The following AREL1 variants were observed in gnomAD, a reference collection of about 807,000 sequenced individuals.
The protein encoded by AREL1 is apoptosis-resistant E3 ubiquitin protein ligase 1.
AREL1 carries 62 observed loss-of-function variants against 99.0 expected under a neutral mutation model. That is an observed-to-expected ratio of 0.63 (90% CI 0.51 to 0.77). The LOEUF (loss-of-function observed/expected upper bound fraction) is 0.77. Ranked by LOEUF, AREL1 falls within the 30% of genes least tolerant of loss-of-function variation. The pLI is 0.00. For synonymous variants in AREL1, 380 were observed against 376.5 expected (o/e 1.01, Z -0.11); for missense variants, 879 against 1,027.6 (o/e 0.86, Z 1.98).
intron 1 of AREL1, among the ~76,000 whole-genome samples, chr14:74,700,821 A>G (rs1331134453): frequency 1.3e-5 from 2 of 152,206 alleles, no homozygotes; most frequent in African/African-American, 4.8e-5. Flanking sequence ...TTAAAGGAAT[A>G]TGACTTCATT....
In AREL1 at chr14:74,670,821, C is replaced by T. The variant is rs766296374; in HGVS notation, c.1549G>A (p.Ala517Thr). The T allele has an allele frequency of 1.6e-5, 26 of 1,614,120 alleles. No individual in the cohort carries two copies. The South Asian group carries it at 2.6e-4, about 16-fold the overall frequency. Residue 517 changes from alanine (A) to threonine (T), a missense_variant, in exon 13 of 20, where the codon GCA (alanine) becomes ACA (threonine). Ala to Thr is a moderately conservative substitution (Grantham distance 58). Coordinates refer to ENST00000356357, the MANE Select transcript of AREL1 (RefSeq NM_001039479.2). ...AGCTGATTGGTGGTATCAAATAGTGCTTTGCAGATTAGCTCAAACCATTCC... is the reference window on the plus strand; with the variant it reads ...AGCTGATTGGTGGTATCAAATAGTGTTTTGCAGATTAGCTCAAACCATTCC... ...RREWFELICK[A>T]LFDTTNQLFT...
chr14:74,665,270 CTTTTTTT>C (rs546774095), intron 17 of AREL1, among the ~76,000 whole-genome samples: 7 of 136,390 alleles, frequency 5.1e-5, no homozygotes, highest in Non-Finnish European at 8.0e-5. Flanking sequence ...TCTTTCTTTT[CTTTTTTT>C]TTTTTTTTTT....
chr14:74,693,627 G>A (rs1313802053), intron 1 of AREL1, among the ~76,000 whole-genome samples: 1 of 152,154 alleles, frequency 6.6e-6, no homozygotes, highest in African/African-American at 2.4e-5. Context: ...TTTTACAGAT[G>A]AGGAAACTGG....
At chr14:74,690,356 T>C (rs1448883060) in intron 2 of AREL1, among the ~76,000 whole-genome samples, 1 of 152,150 alleles carries the variant, frequency 6.6e-6, no homozygotes, top group African/African-American at 2.4e-5. Context: ...TGTCTGTCCT[T>C]TTCTTTGTCC....
At chr14:74,711,277 C>T (rs374862176) in intron 1 of AREL1, among the ~76,000 whole-genome samples, 2 of 148,820 alleles carry the variant, frequency 1.3e-5, no homozygotes, top group African/African-American at 2.5e-5. Flanking sequence ...CAGTGGCTCA[C>T]GTCTGTAATC....
chr14:74,689,592 CTTTTTTTTTTTT>C (rs1057362002), intron 2 of AREL1, among the ~76,000 whole-genome samples: 2 of 98,524 alleles, frequency 2.0e-5, no homozygotes, highest in East Asian at 2.8e-4. Context: ...TAGCACTTTT[CTTTTTTTTTTTT>C]TTTTTTTTTT....
chr14:74,665,600 C>T (rs1201773912), intron 17 of AREL1, among the ~76,000 whole-genome samples: 1 of 152,130 alleles, frequency 6.6e-6, no homozygotes, highest in Admixed American at 6.5e-5. Context: ...TCTTAGGATG[C>T]ATTCTTTTGT....
chr14:74,705,147 C>A (rs1490452192), intron 1 of AREL1, among the ~76,000 whole-genome samples: 1 of 151,800 alleles, frequency 6.6e-6, no homozygotes, highest in Non-Finnish European at 1.5e-5. Context: ...TCAAGCGATT[C>A]TCCTGCCTCG....
chr14:74,702,365 C>A lies in AREL1; in HGVS notation c.-333-10037G>T, dbSNP rs113125830. ...TCAGTTCTTGACTTCTGTGCACCCA[C>A]AGGCTCAACATCACGTGTAAGCTGC... On this transcript the variant is annotated intron_variant, in intron 1 of 19. Coordinates refer to ENST00000356357, the MANE Select transcript of AREL1 (RefSeq NM_001039479.2). Among the ~76,000 whole-genome samples the A allele has an allele frequency of 4.6e-3, 707 of 152,364 alleles. 4 individuals are homozygous for A. The highest frequency in any genetic ancestry group is 0.015 in the African/African-American group (629 of 41,586).
intron 1 of AREL1, among the ~76,000 whole-genome samples, chr14:74,703,875 T>C (rs1422287022): frequency 6.6e-6 from 1 of 152,186 alleles, no homozygotes; most frequent in African/African-American, 2.4e-5. Context: ...TGCTGGGTCA[T>C]ATGGTAAGTA....
chr14:74,675,933 A>G lies in AREL1; in HGVS notation c.846T>C (p.Asn282=). 6.3e-7 allele frequency: 1 copy of G among 1,594,956 alleles called. No homozygotes were observed. Among genetic ancestry groups the G allele is most frequent in the East Asian group, 2.2e-5 (1 of 44,682 alleles). ...DIIVLSEDEK[N]IVERNVSTSG... is the part of the protein sequence containing the mutation. ...AAGTGGACACATTGCGTTCGACGATATTCTTCTCATCCTCTGAAGTATAAT... is the reference window on the plus strand; with the variant it reads ...AAGTGGACACATTGCGTTCGACGATGTTCTTCTCATCCTCTGAAGTATAAT... Residue 282 remains asparagine, a synonymous_variant, in exon 8 of 20, where the codon AAT becomes AAC. Transcript: ENST00000356357.
At chr14:74,692,913 T>C (rs1336997465) in intron 1 of AREL1, among the ~76,000 whole-genome samples, 1 of 152,170 alleles carries the variant, frequency 6.6e-6, no homozygotes, top group Non-Finnish European at 1.5e-5. Flanking sequence ...TTTGCCATGT[T>C]GCTCAGGCTA....
At chr14:74,694,172 C>G (rs1165312810) in intron 1 of AREL1, among the ~76,000 whole-genome samples, 2 of 141,316 alleles carry the variant, frequency 1.4e-5, no homozygotes, top group African/African-American at 5.8e-5. Context: ...CAGACCCAGT[C>G]TCAAAATAAA....
chr14:74,700,779 C>CAAAAA, intron 1 of AREL1, among the ~76,000 whole-genome samples: 1 of 151,862 alleles, frequency 6.6e-6, no homozygotes, highest in Non-Finnish European at 1.5e-5. Flanking sequence ...GAGTCCCTCT[C>CAAAAA]AAAACAAAAC....
chr14:74,679,203 T>C (rs2089570409), intron 5 of AREL1, among the ~76,000 whole-genome samples: 1 of 152,138 alleles, frequency 6.6e-6, no homozygotes, highest in Non-Finnish European at 1.5e-5. Flanking sequence ...AATAACTCTG[T>C]TAAGGGAATA....
intron 5 of AREL1, among the ~76,000 whole-genome samples, chr14:74,678,720 A>G (rs2139900357): frequency 6.8e-6 from 1 of 147,252 alleles, no homozygotes; most frequent in East Asian, 2.0e-4. Flanking sequence ...AAAAAAGAGG[A>G]CCTTGACCCA....
intron 1 of AREL1, among the ~76,000 whole-genome samples, chr14:74,699,299 C>G (rs1203114096): frequency 6.6e-6 from 1 of 151,768 alleles, no homozygotes; most frequent in Non-Finnish European, 1.5e-5. Flanking sequence ...ATGTGCACTT[C>G]AAAGTTAACT....
At position 74,707,688 on chromosome 14, in the gene AREL1, G is replaced by A. The variant is rs921107822; in HGVS notation, c.-334+5245C>T. ...GGGCGCCTGTAGTCCCAGCTACTTG[G>A]GAGGCTGAGGCAGGAGAAAGGTGTG... On this transcript the variant is annotated intron_variant, in intron 1 of 19. Coordinates refer to ENST00000356357, the MANE Select transcript of AREL1 (RefSeq NM_001039479.2). Among the ~76,000 whole-genome samples, 6 of 151,824 alleles carry A rather than the reference G, an allele frequency of 4.0e-5. No homozygotes were observed. The East Asian group carries it at 1.2e-3, about 29-fold the overall frequency.
rs748223905 is a variant in AREL1 at position 74,675,765 on chromosome 14, G to T, written c.1014C>A (p.Pro338=). The T allele has an allele frequency of 6.2e-7, 1 of 1,614,072 alleles. No individual in the cohort carries two copies. Among genetic ancestry groups the T allele is most frequent in the Admixed American group, 1.7e-5 (1 of 60,000 alleles). Residue 338 remains proline, a synonymous_variant, in exon 8 of 20, where the codon CCC becomes CCA. Transcript: ENST00000356357. The part of the protein sequence containing the change: ...TAVDEEDEDS[P]SECHTPEKVK... ...CCTTCTCAGGGGTGTGGCACTCAGA[G>T]GGCGAGTCTTCATCTTCCTCGTCAA...
Sources: gnomAD v4.1 joint callset for allele counts (sites outside exome capture counted in the v4.1 genomes callset) on GRCh38, gnomAD v4.1.1 for gene constraint, MANE v1.5 for transcripts, NCBI Gene and HGNC (gene_info 2026-07-23, HGNC 2026-07-21) for gene names.